The following ARHGAP22 variants were observed in gnomAD, a reference collection of about 807,000 sequenced individuals.
The protein encoded by ARHGAP22 is rho GTPase-activating protein 22.
ARHGAP22 carries 48 observed loss-of-function variants against 59.1 expected under a neutral mutation model. The observed-to-expected ratio is 0.81, with a 90% CI of 0.64 to 1.03. The LOEUF (loss-of-function observed/expected upper bound fraction) is 1.03. Ranked by LOEUF, ARHGAP22 falls within the 50% of genes least tolerant of loss-of-function variation. The pLI is 0.00. For missense variants in ARHGAP22, 1,015 were observed against 958.7 expected, an observed-to-expected ratio of 1.06 and a Z score of -0.78; for synonymous variants, 445 against 416.4, an observed-to-expected ratio of 1.07 and a Z score of -0.84.
chr10:48,519,999 C>T (rs747725226), intron 3 of ARHGAP22, among the ~76,000 whole-genome samples: 15 of 152,104 alleles, frequency 9.9e-5, no homozygotes, highest in Admixed American at 2.0e-4. Context: ...GCCATCAAGG[C>T]GATAAGTCGA....
At chr10:48,511,662 G>A (rs540376062) in intron 3 of ARHGAP22, 1 of 152,352 alleles carries the variant, frequency 6.6e-6, no homozygotes, top group African/African-American at 2.4e-5. Flanking sequence ...TGGCCCGTAA[G>A]TCCCCAGAAG....
rs139235127 is a variant in ARHGAP22 at position 48,646,846 on chromosome 10, C to A, written c.52+5388G>T. Among the ~76,000 whole-genome samples the A allele has an allele frequency of 5.6e-3, 851 of 152,210 alleles. 8 individuals carry two copies. Among genetic ancestry groups the A allele is most frequent in the African/African-American group, 0.02 (815 of 41,498 alleles). ...TTAGGTGGACTCTTAGATACCATAT[C>A]AAAAGCATGATTCATAAAAGAAAAG... On this transcript the variant is annotated intron_variant, in intron 1 of 9. Coordinates refer to the ARHGAP22 transcript ENST00000435790.
chr10:48,583,348 C>A (rs1274168473), intron 1 of ARHGAP22, among the ~76,000 whole-genome samples, 196 bp from the exon 2 acceptor site: 1 of 152,220 alleles, frequency 6.6e-6, no homozygotes, highest in Non-Finnish European at 1.5e-5. Context: ...CTGCAGTGAT[C>A]CCCCTGGGGT....
chr10:48,633,342 T>G (rs909088207), intron 1 of ARHGAP22, among the ~76,000 whole-genome samples: 1 of 152,224 alleles, frequency 6.6e-6, no homozygotes, highest in African/African-American at 2.4e-5. Flanking sequence ...AAGCTCCAAA[T>G]GTAGGGTTCC....
intron 2 of ARHGAP22, among the ~76,000 whole-genome samples, chr10:48,561,992 C>A (rs1044884660): frequency 2.6e-5 from 4 of 152,120 alleles, no homozygotes; most frequent in African/African-American, 7.2e-5. Context: ...TTTGGGGGGC[C>A]GAGGTGGGCA....
At chr10:48,515,634 A>G (rs151061060) in intron 3 of ARHGAP22, among the ~76,000 whole-genome samples, 91 of 152,380 alleles carry the variant, frequency 6.0e-4, no homozygotes, top group African/African-American at 2.1e-3. Flanking sequence ...TCTCAAATGC[A>G]CACAGAACAT....
chr10:48,499,360 A>C (rs2051276988), intron 3 of ARHGAP22, among the ~76,000 whole-genome samples: 1 of 152,266 alleles, frequency 6.6e-6, no homozygotes, highest in South Asian at 2.1e-4. Context: ...TTGCTGGTGC[A>C]CACTGGCGGC....
chr10:48,539,393 G>A (rs888006631), intron 3 of ARHGAP22, among the ~76,000 whole-genome samples: 4 of 146,936 alleles, frequency 2.7e-5, no homozygotes, highest in South Asian at 2.2e-4. Context: ...CCGGGTTCAC[G>A]CCATTCTCCT....
chr10:48,588,195 G>GGGAGCT (rs3076377), intron 1 of ARHGAP22, among the ~76,000 whole-genome samples: 11,353 of 152,212 alleles, frequency 0.075, 447 homozygotes, highest in Middle Eastern at 0.11. Context: ...ACTGGGGCAA[G>GGGAGCT]GGTAGGCAGG....
the ARHGAP22 span, chr10:48,436,000 T>C: frequency 6.6e-6 from 1 of 152,230 alleles, no homozygotes; most frequent in Admixed American, 6.5e-5. Flanking sequence ...CTTTCCTGTT[T>C]CCTATTACTT....
intron 1 of ARHGAP22, among the ~76,000 whole-genome samples, chr10:48,594,094 C>A (rs1280572189): frequency 6.6e-6 from 1 of 152,200 alleles, no homozygotes; most frequent in Non-Finnish European, 1.5e-5. Flanking sequence ...TTGATACATG[C>A]TTATGAGTAT....
intron 9 of ARHGAP22, 63 bp downstream of exon 9, chr10:48,450,198 A>G (rs1589406199): frequency 1.9e-6 from 3 of 1,563,814 alleles, no homozygotes; most frequent in African/African-American, 2.7e-5. Flanking sequence ...CCATGTGCCA[A>G]GAGCACGGCT....
the ARHGAP22 span, chr10:48,437,810 C>T: frequency 6.6e-6 from 1 of 152,268 alleles, no homozygotes; most frequent in Non-Finnish European, 1.5e-5. Context: ...GAAGCCTACA[C>T]ACAACCCCCT....
chr10:48,526,748 G>A (rs770453530), intron 3 of ARHGAP22, among the ~76,000 whole-genome samples: 5 of 152,194 alleles, frequency 3.3e-5, no homozygotes, highest in African/African-American at 9.7e-5. Flanking sequence ...AAGCAGGATC[G>A]TTTCAAATGA....
At chr10:48,506,222 G>T (rs2052122200) in intron 3 of ARHGAP22, among the ~76,000 whole-genome samples, 1 of 152,114 alleles carries the variant, frequency 6.6e-6, no homozygotes, top group African/African-American at 2.4e-5. Context: ...TACGTTCTGA[G>T]AAATATGTCA....
chr10:48,543,037 G>T (rs1042006502), intron 3 of ARHGAP22, among the ~76,000 whole-genome samples: 2 of 152,160 alleles, frequency 1.3e-5, no homozygotes, highest in Non-Finnish European at 2.9e-5. Flanking sequence ...GGCTGCTGGT[G>T]GGCATGTATG....
At chr10:48,544,494 C>T (rs1000167537) in intron 3 of ARHGAP22, among the ~76,000 whole-genome samples, 11 of 152,148 alleles carry the variant, frequency 7.2e-5, no homozygotes, top group East Asian at 1.9e-4. Context: ...CTGTCCAATA[C>T]GGTGCCACCA....
chr10:48,653,257 G>A (rs2062632621), upstream of ARHGAP22, among the ~76,000 whole-genome samples: 1 of 152,190 alleles, frequency 6.6e-6, no homozygotes, highest in South Asian at 2.1e-4. Flanking sequence ...GAGCATAAAA[G>A]CAGTTAAAAA....
chr10:48,548,472 A>G (rs2056639800), intron 3 of ARHGAP22, among the ~76,000 whole-genome samples: 1 of 152,256 alleles, frequency 6.6e-6, no homozygotes, highest in African/African-American at 2.4e-5. Flanking sequence ...GCATTGTGCT[A>G]ATTCCAGAAG....
Sources: allele counts gnomAD v4.1 joint callset (sites outside exome capture counted in the v4.1 genomes callset), GRCh38; gene constraint gnomAD v4.1.1; transcripts MANE v1.5; gene names NCBI Gene and HGNC (gene_info 2026-07-23, HGNC 2026-07-21).